Variants in KLF12 observed in about 807,000 individuals in gnomAD.
KLF12 encodes Krueppel-like factor 12.
Under a neutral mutation model 37.8 loss-of-function variants are expected in KLF12, and 9 were observed. That is an observed-to-expected ratio of 0.24 (90% confidence interval 0.14 to 0.42). KLF12 has a LOEUF of 0.42. KLF12 is among the 10% of genes least tolerant of loss of function. The pLI, the probability that KLF12 is intolerant of heterozygous loss-of-function variation, is 1.00. For missense variants in KLF12, 411 were observed against 516.0 expected, an observed-to-expected ratio of 0.80 and a Z score of 1.97; for synonymous variants, 208 against 202.1, an observed-to-expected ratio of 1.03 and a Z score of -0.25.
rs67487546 is a variant in KLF12, at chr13:74,112,384, T to TTGTGTGTGTGTGTG, written c.-32+21354_-32+21355insCACACACACACACA. Among the ~76,000 whole-genome samples the TTGTGTGTGTGTGTG allele has an allele frequency of 7.0e-4, 102 of 145,270 alleles. 2 individuals are homozygous for TTGTGTGTGTGTGTG. The highest frequency in any genetic ancestry group is 2.4e-3 in the African/African-American group (92 of 38,392). On this transcript the variant is annotated intron_variant, in intron 1 of 7. Coordinates refer to ENST00000377669, the MANE Select transcript of KLF12 (RefSeq NM_007249.5). ...TCCATTTTACTGCACTTTGCAGATA[T>TTGTGTGTGTGTGTG]TGTCTGTGTGTGTGTGTGTGTGTGT...
intron 2 of KLF12, among the ~76,000 whole-genome samples, chr13:73,968,221 T>C (rs1007009576): frequency 6.6e-6 from 1 of 152,198 alleles, no homozygotes; most frequent in African/African-American, 2.4e-5. Flanking sequence ...TTGTAGACTT[T>C]GAAATGAGAA....
At chr13:73,864,387 T>G (rs1301927510) in intron 3 of KLF12, among the ~76,000 whole-genome samples, 2 of 152,054 alleles carry the variant, frequency 1.3e-5, no homozygotes, top group African/African-American at 4.8e-5. Flanking sequence ...TGCTGATCAG[T>G]AGATGAAGCA....
intron 1 of KLF12, among the ~76,000 whole-genome samples, chr13:74,043,846 A>G (rs542324762): frequency 2.0e-5 from 3 of 152,336 alleles, no homozygotes; most frequent in African/African-American, 4.8e-5. Context: ...AGAGTGGGAG[A>G]GCATTCAATT....
intron 1 of KLF12, among the ~76,000 whole-genome samples, chr13:74,039,411 T>C (rs949234470): frequency 4.6e-5 from 7 of 152,004 alleles, no homozygotes; most frequent in African/African-American, 1.7e-4. Context: ...CATATGCCCG[T>C]AGTCCCAGCT....
chr13:74,286,357 T>C, the KLF12 span, among the ~76,000 whole-genome samples: 6 of 152,186 alleles, frequency 3.9e-5, no homozygotes, highest in African/African-American at 1.2e-4. Flanking sequence ...GGAGAAATTA[T>C]AGAAGAAAAT....
intron 3 of KLF12, among the ~76,000 whole-genome samples, chr13:73,908,625 C>A (rs1247271097): frequency 6.6e-6 from 1 of 151,696 alleles, no homozygotes; most frequent in Non-Finnish European, 1.5e-5. Flanking sequence ...GGATTACAGG[C>A]ACCCACCATC....
chr13:73,866,004 C>T (rs1478908807), intron 3 of KLF12, among the ~76,000 whole-genome samples: 3 of 152,120 alleles, frequency 2.0e-5, no homozygotes, highest in Non-Finnish European at 2.9e-5. Context: ...GCCTATAATC[C>T]CAAAACTTTG....
intron 4 of KLF12, among the ~76,000 whole-genome samples, chr13:73,843,295 G>T (rs9530250): frequency 0.64 from 97,633 of 151,750 alleles, 32,252 homozygotes; most frequent in Non-Finnish European, 0.73. Context: ...TGCTAGACAT[G>T]TATACATTAT....
chr13:74,245,874 T>A, the KLF12 span, among the ~76,000 whole-genome samples: 1 of 152,186 alleles, frequency 6.6e-6, no homozygotes, highest in East Asian at 1.9e-4. Flanking sequence ...ACTAGAATTT[T>A]AAAAAATCAT....
intron 5 of KLF12, among the ~76,000 whole-genome samples, chr13:73,773,334 G>A (rs1880386733): frequency 6.6e-6 from 1 of 152,142 alleles, no homozygotes; most frequent in Non-Finnish European, 1.5e-5. Context: ...GAAGGTTGGA[G>A]TTTCATGACT....
In KLF12 at chr13:73,912,192, G is replaced by C. The variant is rs140647163; in HGVS notation, c.123+31789C>G. Reference sequence around the variant, plus strand: ...AAGTTTGCCTTTTCTTCTTCAATAGGCCATTAAAAAAATCACCACAGTTTA... The same window carrying C: ...AAGTTTGCCTTTTCTTCTTCAATAGCCCATTAAAAAAATCACCACAGTTTA... On this transcript the variant is annotated intron_variant, in intron 3 of 7. Transcript: ENST00000377669. Among the ~76,000 whole-genome samples the C allele has an allele frequency of 4.6e-5, 7 of 151,890 alleles. No individual in the cohort carries two copies. The East Asian group carries it at 1.4e-3, about 29-fold the overall frequency.
At chr13:74,153,017 C>G in the KLF12 span, among the ~76,000 whole-genome samples, 1 of 151,804 alleles carries the variant, frequency 6.6e-6, no homozygotes, top group Non-Finnish European at 1.5e-5. Context: ...TAATTTCATA[C>G]TAATTAAGAG....
intron 1 of KLF12, among the ~76,000 whole-genome samples, chr13:74,050,804 T>TCTGC (rs1264730905): frequency 6.6e-6 from 1 of 152,034 alleles, no homozygotes; most frequent in Non-Finnish European, 1.5e-5. Flanking sequence ...AGAGATAATA[T>TCTGC]CTGCTAAACA....
intron 2 of KLF12, among the ~76,000 whole-genome samples, chr13:73,954,925 C>T (rs190384390): frequency 4.5e-4 from 69 of 152,332 alleles, no homozygotes; most frequent in Non-Finnish European, 9.1e-4. Context: ...ATTCTGTACA[C>T]TTTCATTATT....
At chr13:73,983,638 C>T (rs553840712) in intron 2 of KLF12, among the ~76,000 whole-genome samples, 2 of 152,284 alleles carry the variant, frequency 1.3e-5, no homozygotes, top group East Asian at 1.9e-4. Flanking sequence ...CACATATTTC[C>T]ATCATGTACA....
chr13:73,711,581 A>G (rs923214009), intron 7 of KLF12, among the ~76,000 whole-genome samples: 1 of 152,160 alleles, frequency 6.6e-6, no homozygotes, highest in Non-Finnish European at 1.5e-5. Context: ...TGGTTTACTG[A>G]ATGTTTTAAG....
intron 1 of KLF12, among the ~76,000 whole-genome samples, chr13:73,999,027 A>G (rs1892198727): frequency 6.6e-6 from 1 of 152,028 alleles, no homozygotes; most frequent in Admixed American, 6.5e-5. Flanking sequence ...GGACACACAT[A>G]ATTCTCTACA....
intron 6 of KLF12, among the ~76,000 whole-genome samples, chr13:73,742,053 T>G (rs886727345): frequency 6.6e-6 from 1 of 152,214 alleles, no homozygotes; most frequent in African/African-American, 2.4e-5. Context: ...ATGGTGAGTT[T>G]TAAGCCCAAC....
intron 3 of KLF12, among the ~76,000 whole-genome samples, chr13:73,895,016 A>G (rs1029737370): frequency 1.3e-5 from 2 of 152,168 alleles, no homozygotes; most frequent in Admixed American, 1.3e-4. Flanking sequence ...ATGTCTTGGC[A>G]TTATATAATA....
Sources: gnomAD v4.1 joint callset for allele counts (sites outside exome capture counted in the v4.1 genomes callset) on GRCh38, gnomAD v4.1.1 for gene constraint, MANE v1.5 for transcripts, NCBI Gene and HGNC (gene_info 2026-07-23, HGNC 2026-07-21) for gene names.